BNC2: variants seen among roughly 807,000 people sequenced by gnomAD.
BNC2 encodes basonuclin zinc finger protein 2, also known as zinc finger protein basonuclin-2.
A neutral mutation model predicts 76.3 loss-of-function variants in BNC2; 20 were observed. The observed-to-expected ratio is 0.26, with a 90% CI of 0.18 to 0.38. BNC2 has a LOEUF of 0.38. BNC2 is among the 10% of genes least tolerant of loss of function. The pLI, the probability that BNC2 is intolerant of heterozygous loss-of-function variation, is 1.00. For missense variants in BNC2, 1,382 were observed against 1,399.8 expected, an observed-to-expected ratio of 0.99 and a Z score of 0.20; for synonymous variants, 582 against 514.8, an observed-to-expected ratio of 1.13 and a Z score of -1.77.
At chr9:16,579,634 C>T (rs532444841) in intron 4 of BNC2, among the ~76,000 whole-genome samples, 9 of 152,126 alleles carry the variant, frequency 5.9e-5, no homozygotes, top group African/African-American at 2.2e-4. Context: ...AAGTAGTTAA[C>T]GTCAACAACT....
intron 3 of BNC2, among the ~76,000 whole-genome samples, chr9:16,665,386 A>G (rs72704086): frequency 0.022 from 1,854 of 84,296 alleles, 139 homozygotes; most frequent in African/African-American, 0.079. Context: ...AAAAAAAAAA[A>G]AGAGAGAGAG....
At chr9:16,722,035 T>G (rs1824172233) in intron 3 of BNC2, among the ~76,000 whole-genome samples, 1 of 152,320 alleles carries the variant, frequency 6.6e-6, no homozygotes, top group Non-Finnish European at 1.5e-5. Flanking sequence ...TGACGGCAGA[T>G]GCCCAATGCA....
intron 5 of BNC2, among the ~76,000 whole-genome samples, chr9:16,490,400 G>A (rs1357156354): frequency 1.3e-5 from 2 of 152,078 alleles, no homozygotes; most frequent in Non-Finnish European, 2.9e-5. Context: ...ACCTCCCCCT[G>A]GGTCCCTCCC....
chr9:16,513,581 G>A (rs1324898508), intron 5 of BNC2, among the ~76,000 whole-genome samples: 1 of 152,170 alleles, frequency 6.6e-6, no homozygotes, highest in African/African-American at 2.4e-5. Flanking sequence ...TGGGATCACA[G>A]GCATGAGCCA....
chr9:16,457,608 G>C (rs893905171), intron 5 of BNC2, among the ~76,000 whole-genome samples: 1 of 152,200 alleles, frequency 6.6e-6, no homozygotes. Context: ...TTGCAACTCA[G>C]TGCCCACAGT....
intron 3 of BNC2, among the ~76,000 whole-genome samples, chr9:16,671,839 A>C (rs1822486949): frequency 6.6e-6 from 1 of 152,178 alleles, no homozygotes; most frequent in South Asian, 2.1e-4. Flanking sequence ...ACAGACCCAA[A>C]CTCCACCAAA....
At chr9:16,512,912 G>C (rs1431325948) in intron 5 of BNC2, among the ~76,000 whole-genome samples, 1 of 150,700 alleles carries the variant, frequency 6.6e-6, no homozygotes, top group Non-Finnish European at 1.5e-5. Context: ...GAGGGGGGAA[G>C]ATCACTTGAG....
chr9:16,772,284 T>C (rs899772792), intron 1 of BNC2, among the ~76,000 whole-genome samples: 2 of 152,188 alleles, frequency 1.3e-5, no homozygotes, highest in Admixed American at 6.5e-5. Context: ...AGTATCAGAG[T>C]TGATACCCTT....
At chr9:16,661,359 T>C (rs980347924) in intron 3 of BNC2, among the ~76,000 whole-genome samples, 1 of 152,212 alleles carries the variant, frequency 6.6e-6, no homozygotes, top group Non-Finnish European at 1.5e-5. Flanking sequence ...TAAAACAGCA[T>C]GTACCACCTG....
intron 1 of BNC2, among the ~76,000 whole-genome samples, chr9:16,844,687 C>G (rs975352637): frequency 1.3e-5 from 2 of 151,878 alleles, no homozygotes; most frequent in African/African-American, 4.8e-5. Context: ...TTAGTAGAGA[C>G]GGGTTTTCAC....
chr9:16,447,932 T>G (rs1448327597), intron 5 of BNC2, among the ~76,000 whole-genome samples: 3 of 152,092 alleles, frequency 2.0e-5, no homozygotes, highest in Admixed American at 6.6e-5. Context: ...CATATGGAGA[T>G]GATAACTAGT....
intron 3 of BNC2, among the ~76,000 whole-genome samples, chr9:16,664,587 C>T (rs1480323125): frequency 1.3e-5 from 2 of 152,028 alleles, no homozygotes; most frequent in African/African-American, 4.8e-5. Flanking sequence ...TTCCTGTAAA[C>T]TGCCTGTATC....
intron 1 of BNC2, among the ~76,000 whole-genome samples, chr9:16,762,328 T>C (rs1440812235): frequency 6.6e-6 from 1 of 152,180 alleles, no homozygotes; most frequent in Non-Finnish European, 1.5e-5. Context: ...CTTTGAACAC[T>C]ATCCAAAGAC....
intron 3 of BNC2, among the ~76,000 whole-genome samples, chr9:16,710,613 A>G (rs1587341225): frequency 1.3e-5 from 2 of 152,110 alleles, no homozygotes; most frequent in African/African-American, 4.8e-5. Flanking sequence ...GTCTCTATTT[A>G]TGCCCTCAGA....
At chr9:16,791,507 T>G (rs1424618298) in intron 1 of BNC2, among the ~76,000 whole-genome samples, 1 of 152,342 alleles carries the variant, frequency 6.6e-6, no homozygotes, top group East Asian at 1.9e-4. Flanking sequence ...ACAAATTATT[T>G]TAGAATGAAC....
At chr9:16,420,408 GTTCTACTTTAAAATTTAA>G (rs1356213390) in intron 6 of BNC2, among the ~76,000 whole-genome samples, 2 of 151,930 alleles carry the variant, frequency 1.3e-5, no homozygotes, top group Non-Finnish European at 1.5e-5. Flanking sequence ...TCATCGAGTA[GTTCTACTTTAAAATTTAA>G]TTCTTTAAGA....
chr9:16,619,349 AT>A (rs1475083517), intron 3 of BNC2, among the ~76,000 whole-genome samples: 2 of 151,156 alleles, frequency 1.3e-5, no homozygotes, highest in African/African-American at 4.9e-5. Flanking sequence ...CAAAAAAAAA[AT>A]ACCAAAAAGC....
intron 6 of BNC2, 86 bp downstream of exon 6, chr9:16,435,469 T>G (rs2130843288): frequency 6.7e-7 from 1 of 1,491,926 alleles, no homozygotes; most frequent in Non-Finnish European, 9.3e-7. Flanking sequence ...ACATCTAAGT[T>G]GGATTTCTTT....
chr9:16,478,096 T>C (rs1241123348), intron 5 of BNC2, among the ~76,000 whole-genome samples: 1 of 152,222 alleles, frequency 6.6e-6, no homozygotes, highest in Non-Finnish European at 1.5e-5. Flanking sequence ...CATTGTTTCA[T>C]GGCTCGAACT....
Sources: gnomAD v4.1 joint callset for allele counts (sites outside exome capture counted in the v4.1 genomes callset) on GRCh38, gnomAD v4.1.1 for gene constraint, MANE v1.5 for transcripts, NCBI Gene and HGNC (gene_info 2026-07-23, HGNC 2026-07-21) for gene names.